The following PCDH11Y variants were observed in gnomAD, a reference collection of about 807,000 sequenced individuals.
The protein encoded by PCDH11Y is protocadherin-11 Y-linked.
For synonymous variants in PCDH11Y, 9 were observed against 83.6 expected (o/e 0.11, Z 4.87); for missense variants, 12 against 224.8 (o/e 0.05, Z 6.05).
downstream of PCDH11Y, among the ~76,000 whole-genome samples, chrY:5,108,019 A>C: frequency 3.7e-5 from 1 of 26,785 alleles, no homozygotes; most frequent in Non-Finnish European, 8.7e-5. Context: ...AGATCGCGCC[A>C]CTGCACTCCA....
At chrY:5,546,811 C>T in intron 3 of PCDH11Y, among the ~76,000 whole-genome samples, 1 of 32,521 alleles carries the variant, frequency 3.1e-5, no homozygotes, top group Non-Finnish European at 7.6e-5. Context: ...GAAAGTGAAT[C>T]CTGATTTTCT....
intron 2 of PCDH11Y, among the ~76,000 whole-genome samples, chrY:5,357,973 G>A (rs2053169802): frequency 3.0e-5 from 1 of 32,920 alleles, no homozygotes; most frequent in Non-Finnish European, 7.4e-5. Flanking sequence ...GTTTACTCTT[G>A]TTGCCCAGGC....
intron 2 of PCDH11Y, among the ~76,000 whole-genome samples, chrY:5,220,925 G>A (rs2052954043): frequency 3.2e-5 from 1 of 31,422 alleles, no homozygotes; most frequent in Non-Finnish European, 7.8e-5. Flanking sequence ...CTCCAAGTTG[G>A]CCAGGCTGGT....
intron 2 of PCDH11Y, among the ~76,000 whole-genome samples, chrY:5,275,285 C>A: frequency 3.1e-5 from 1 of 32,716 alleles, no homozygotes; most frequent in African/African-American, 1.2e-4. Flanking sequence ...CCTTTATATT[C>A]CGAGTACCTA....
chrY:5,010,162 G>A, intron 1 of PCDH11Y, among the ~76,000 whole-genome samples: 1 of 25,674 alleles, frequency 3.9e-5, no homozygotes, highest in Non-Finnish European at 9.1e-5. Flanking sequence ...AGCCGAGATC[G>A]CGCCACTACA....
rs1322798390 is a variant in PCDH11Y at position 5,564,163 on chromosome Y, T to C, written c.3329-17612T>C. On this transcript the variant is annotated intron_variant, in intron 3 of 4. Transcript: ENST00000400457. ...ACAAGTCATTGCAGCATTTTGCCCT[T>C]TGTAATCTTTCTGAAAAGTTCAATT... Among the ~76,000 whole-genome samples the C allele has an allele frequency of 2.1e-4, 5 of 23,762 alleles. No homozygotes were observed. The East Asian group carries it at 5.6e-3, about 26-fold the overall frequency. The allele number at this position is 23,762 out of a possible 37,273, so 63.8% of individuals were successfully genotyped here.
At chrY:5,494,733 G>T in intron 2 of PCDH11Y, among the ~76,000 whole-genome samples, 1 of 33,374 alleles carries the variant, frequency 3.0e-5, no homozygotes, top group African/African-American at 1.2e-4. Flanking sequence ...CATGAGAAAT[G>T]AGACTATTCA....
At chrY:5,525,827 A>T in intron 3 of PCDH11Y, among the ~76,000 whole-genome samples, 1 of 31,491 alleles carries the variant, frequency 3.2e-5, no homozygotes, top group African/African-American at 1.3e-4. Flanking sequence ...TTGCATCTAT[A>T]GTACCTTCAT....
intron 4 of PCDH11Y, among the ~76,000 whole-genome samples, chrY:5,624,019 T>A (rs2053503795): frequency 3.1e-5 from 1 of 32,294 alleles, no homozygotes; most frequent in Non-Finnish European, 7.8e-5. Context: ...AATAGCCTTT[T>A]TCACTAATTG....
chrY:5,148,038 G>A (rs2052859732), intron 2 of PCDH11Y, among the ~76,000 whole-genome samples: 1 of 33,346 alleles, frequency 3.0e-5, no homozygotes, highest in African/African-American at 1.2e-4. Context: ...AGTAATACAC[G>A]CACACACACA....
chrY:5,357,201 G>C, intron 2 of PCDH11Y, among the ~76,000 whole-genome samples: 1 of 21,188 alleles, frequency 4.7e-5, no homozygotes, highest in South Asian at 1.1e-3. Flanking sequence ...AAGAAAAAAA[G>C]AAATTATATA....
At chrY:5,014,056 T>C in intron 1 of PCDH11Y, among the ~76,000 whole-genome samples, 1 of 27,082 alleles carries the variant, frequency 3.7e-5, no homozygotes, top group Admixed American at 3.6e-4. Flanking sequence ...TTATCACTTT[T>C]AAATTGCTTT....
At chrY:5,668,710 G>GA (rs2053546844) in intron 4 of PCDH11Y, among the ~76,000 whole-genome samples, 1 of 31,637 alleles carries the variant, frequency 3.2e-5, no homozygotes, top group Non-Finnish European at 7.7e-5. Context: ...TGAAACAATA[G>GA]AAAAAATGAG....
intron 2 of PCDH11Y, chrY:5,207,737 C>A (rs2052933962): frequency 4.6e-6 from 1 of 218,225 alleles, no homozygotes; most frequent in African/African-American, 8.5e-5. Flanking sequence ...ATTTTAGCAT[C>A]TTTTTTCCCC....
chrY:5,071,864 T>G, intron 1 of PCDH11Y, among the ~76,000 whole-genome samples: 1 of 33,308 alleles, frequency 3.0e-5, no homozygotes. Context: ...TAACTTCTGC[T>G]TTGACTCCCA....
At chrY:5,217,768 A>G in intron 2 of PCDH11Y, among the ~76,000 whole-genome samples, 1 of 34,352 alleles carries the variant, frequency 2.9e-5, no homozygotes, top group East Asian at 7.7e-4. Flanking sequence ...TGTGCAAAGA[A>G]GAACATAACA....
chrY:5,080,845 T>C (rs2052718040), intron 1 of PCDH11Y, among the ~76,000 whole-genome samples: 1 of 31,839 alleles, frequency 3.1e-5, no homozygotes, highest in Non-Finnish European at 7.6e-5. Flanking sequence ...TGATTGTTTC[T>C]TTTGTTGTGC....
intron 1 of PCDH11Y, among the ~76,000 whole-genome samples, chrY:5,009,804 C>G: frequency 3.0e-5 from 1 of 33,531 alleles, no homozygotes; most frequent in Non-Finnish European, 7.4e-5. Flanking sequence ...ACTACCAGAG[C>G]GTTGGATGAT....
chrY:5,312,057 A>G, intron 2 of PCDH11Y, among the ~76,000 whole-genome samples: 1 of 31,687 alleles, frequency 3.2e-5, no homozygotes, highest in Non-Finnish European at 7.6e-5. Flanking sequence ...ACTGGGCTCA[A>G]GGAACACAAA....
Sources: gnomAD v4.1 joint callset for allele counts (sites outside exome capture counted in the v4.1 genomes callset) on GRCh38, gnomAD v4.1.1 for gene constraint, MANE v1.5 for transcripts, NCBI Gene and HGNC (gene_info 2026-07-23, HGNC 2026-07-21) for gene names.